Variants in TNFRSF10B observed in about 807,000 individuals in gnomAD.
TNFRSF10B encodes TNF receptor superfamily member 10b.
Under a neutral mutation model 41.4 loss-of-function variants are expected in TNFRSF10B, and 35 were observed. The observed-to-expected ratio is 0.85, with a 90% confidence interval of 0.65 to 1.12. The LOEUF is 1.12. TNFRSF10B is among the 50% of genes most tolerant of loss of function. The pLI is 0.00. For missense variants in TNFRSF10B, 584 were observed against 552.7 expected (o/e 1.06, Z -0.57); for synonymous variants, 230 against 215.5 (o/e 1.07, Z -0.59).
At chr8:23,065,130 G>C (rs1812945478) in intron 1 of TNFRSF10B, among the ~76,000 whole-genome samples, 1 of 152,186 alleles carries the variant, frequency 6.6e-6, no homozygotes, top group African/African-American at 2.4e-5. Context: ...CCAGGGAGTA[G>C]TCAGTATTCA....
chr8:23,067,008 T>G (rs1308705683), intron 1 of TNFRSF10B, among the ~76,000 whole-genome samples: 1 of 150,244 alleles, frequency 6.7e-6, no homozygotes, highest in Non-Finnish European at 1.5e-5. Flanking sequence ...GTTGGAGTCT[T>G]GCTCTTGTCT....
chr8:23,031,506 G>A (rs1811883184), intron 2 of TNFRSF10B, among the ~76,000 whole-genome samples: 1 of 151,078 alleles, frequency 6.6e-6, no homozygotes, highest in South Asian at 2.1e-4. Context: ...CTCTCCCCCC[G>A]ACCCACAAAT....
intron 8 of TNFRSF10B, among the ~76,000 whole-genome samples, chr8:23,023,566 C>A (rs1422324782): frequency 6.6e-6 from 1 of 152,104 alleles, no homozygotes; most frequent in Non-Finnish European, 1.5e-5. Flanking sequence ...TTAAATGAGA[C>A]GTGTGTGCAA....
At chr8:23,041,209 A>C (rs10108934) in intron 2 of TNFRSF10B, among the ~76,000 whole-genome samples, 162 of 152,088 alleles carry the variant, frequency 1.1e-3, no homozygotes, top group African/African-American at 3.5e-3. Flanking sequence ...CAGGCACGCC[A>C]CTATACCCAG....
chr8:23,027,546 C>T lies in TNFRSF10B; in HGVS notation c.780+176G>A, dbSNP rs1021775155. ...CCTGGGCTGCAGCAGGGCTCACCAG[C>T]CTATGTGGTGCTCAAAATGGCCATG... On this transcript the variant is annotated intron_variant, in intron 6 of 8. Coordinates refer to ENST00000276431, the MANE Select transcript of TNFRSF10B (RefSeq NM_003842.5). 18 of 877,466 alleles carry T rather than the reference C, an allele frequency of 2.1e-5. 2 individuals carry two copies. The South Asian group carries it at 2.6e-4, about 12-fold the overall frequency. 54.4% of individuals were successfully genotyped at this position (877,466 alleles called of 1,614,324 possible).
chr8:23,060,281 T>C (rs1283552511), intron 1 of TNFRSF10B, among the ~76,000 whole-genome samples: 2 of 152,200 alleles, frequency 1.3e-5, no homozygotes, highest in East Asian at 1.9e-4. Context: ...AGCACTTACA[T>C]TTACATCTTT....
intron 1 of TNFRSF10B, among the ~76,000 whole-genome samples, chr8:23,061,132 A>C (rs1211344386): frequency 6.6e-6 from 1 of 152,216 alleles, no homozygotes; most frequent in Non-Finnish European, 1.5e-5. Flanking sequence ...AAAATCCCAC[A>C]AAATATAAGT....
At chr8:23,026,365 G>A (rs1474852075) in intron 7 of TNFRSF10B, among the ~76,000 whole-genome samples, 1 of 151,978 alleles carries the variant, frequency 6.6e-6, no homozygotes, top group African/African-American at 2.4e-5. Context: ...AAAGGGCAAA[G>A]GCAAGGGAAA....
rs753899188 is a variant in TNFRSF10B, at chr8:23,020,285, C to T, written c.*2386G>A. The stretch of plus-strand genomic sequence containing the variant: ...ATGAAAGGACACCAACCACGAGTGA[C>T]ACACTATACTATGGCTGTCCTGTGT... On this transcript the variant is annotated 3_prime_UTR_variant, in exon 9 of 9. Transcript: ENST00000276431. The T allele has an allele frequency of 3.4e-4, 154 of 454,002 alleles. No homozygotes were observed. The highest frequency in any genetic ancestry group is 1.2e-4 in the Admixed American group (5 of 42,550). The allele number at this position is 454,002 out of a possible 1,614,324, so 28.1% of individuals were successfully genotyped here.
intron 2 of TNFRSF10B, among the ~76,000 whole-genome samples, chr8:23,037,244 G>A (rs1223983473): frequency 6.6e-6 from 1 of 152,170 alleles, no homozygotes; most frequent in Non-Finnish European, 1.5e-5. Flanking sequence ...TGGCAGGGAT[G>A]GAGGTTATGT....
At position 23,021,916 on chromosome 8, in the gene TNFRSF10B, A is replaced by C. The variant is rs1422604137; in HGVS notation, c.*755T>G. ...CATAACTATGTAAACAAGTACATTT[A>C]CTAAAGTTTCTTCATGTTCATAAAA... On this transcript the variant is annotated 3_prime_UTR_variant, in exon 9 of 9. Coordinates refer to ENST00000276431, the MANE Select transcript of TNFRSF10B (RefSeq NM_003842.5). The C allele has an allele frequency of 2.2e-6, 1 of 453,522 alleles. No individual in the cohort carries two copies. Among genetic ancestry groups the C allele is most frequent in the Admixed American group, 2.4e-5 (1 of 42,494 alleles). The allele number at this position is 453,522 out of a possible 1,614,324, so 28.1% of individuals were successfully genotyped here. A position where few individuals can be genotyped will look rare whatever the true frequency, so the allele number is the denominator to read the frequency against.
At position 23,068,858 on chromosome 8, in the gene TNFRSF10B, C is replaced by G; in HGVS notation, c.37G>C (p.Gly13Arg). Reference sequence around the variant, plus strand: ...CCTGGGCCGTGCCTTTTCCGGGCCCCCGAAGCGGCCGGGGCGTTCTGTCCC... The same window carrying G: ...CCTGGGCCGTGCCTTTTCCGGGCCCGCGAAGCGGCCGGGGCGTTCTGTCCC... ...QRGQNAPAAS[G>R]ARKRHGPGPR... The change falls in exon 1 of 9, where the codon GGG becomes CGG. Residue 13 changes from glycine (G) to arginine (R), a missense_variant. Gly to Arg is a moderately radical substitution (Grantham distance 125, BLOSUM62 -2). Coordinates refer to ENST00000276431, the MANE Select transcript of TNFRSF10B (RefSeq NM_003842.5). The G allele has an allele frequency of 6.2e-7, 1 of 1,613,458 alleles. No individual in the cohort carries two copies.
chr8:23,060,867 A>AT (rs1166462241), intron 1 of TNFRSF10B, among the ~76,000 whole-genome samples: 1 of 152,040 alleles, frequency 6.6e-6, no homozygotes, highest in Admixed American at 6.5e-5. Context: ...GTTTACTCCT[A>AT]TTTTATTATT....
At chr8:23,040,343 A>G (rs1585214948) in intron 2 of TNFRSF10B, among the ~76,000 whole-genome samples, 1 of 60,196 alleles carries the variant, frequency 1.7e-5, no homozygotes, top group Non-Finnish European at 4.2e-5. Flanking sequence ...TATATTTATT[A>G]AATATATACA....
intron 1 of TNFRSF10B, among the ~76,000 whole-genome samples, chr8:23,058,041 G>C (rs1017265660): frequency 1.3e-5 from 2 of 152,206 alleles, no homozygotes; most frequent in Admixed American, 1.3e-4. Flanking sequence ...GAGGTCAGGA[G>C]TTCGAGACCA....
At chr8:23,053,720 A>G (rs1812586148) in intron 1 of TNFRSF10B, among the ~76,000 whole-genome samples, 1 of 152,202 alleles carries the variant, frequency 6.6e-6, no homozygotes, top group African/African-American at 2.4e-5. Context: ...AATTGGGTAA[A>G]TGTGTCTATA....
At chr8:23,066,604 C>A (rs1812987645) in intron 1 of TNFRSF10B, among the ~76,000 whole-genome samples, 1 of 152,110 alleles carries the variant, frequency 6.6e-6, no homozygotes, top group Admixed American at 6.6e-5. Context: ...GGCTGAAAAT[C>A]TTCCAAGTAG....
chr8:23,061,268 G>T (rs1259960734), intron 1 of TNFRSF10B, among the ~76,000 whole-genome samples: 2 of 152,102 alleles, frequency 1.3e-5, no homozygotes, highest in Non-Finnish European at 2.9e-5. Flanking sequence ...TCATGAAATT[G>T]TCAAAATACA....
At chr8:23,054,871 A>G (rs749667913) in intron 1 of TNFRSF10B, among the ~76,000 whole-genome samples, 5 of 152,192 alleles carry the variant, frequency 3.3e-5, no homozygotes, top group Non-Finnish European at 7.4e-5. Context: ...TAAAACGCCT[A>G]TGTAAAAAAT....
Sources: gnomAD v4.1 joint callset for allele counts (sites outside exome capture counted in the v4.1 genomes callset) on GRCh38, gnomAD v4.1.1 for gene constraint, MANE v1.5 for transcripts, NCBI Gene and HGNC (gene_info 2026-07-23, HGNC 2026-07-21) for gene names.